Variants in MTRF1 observed in about 807,000 individuals in gnomAD.
The protein encoded by MTRF1 is mitochondrial translation release factor 1.
MTRF1 carries 51 observed loss-of-function variants against 62.9 expected under a neutral mutation model. The observed-to-expected ratio is 0.81, with a 90% CI of 0.65 to 1.02. The LOEUF is 1.02. MTRF1 is among the 50% of genes least tolerant of loss of function. The pLI is 0.00. For synonymous variants in MTRF1, 158 were observed against 181.9 expected (o/e 0.87, Z 1.06); for missense variants, 446 against 530.0 (o/e 0.84, Z 1.56).
chr13:41,309,595 A>G, the MTRF1 span, among the ~76,000 whole-genome samples: 1 of 152,134 alleles, frequency 6.6e-6, no homozygotes, highest in African/African-American at 2.4e-5. Context: ...TCCCTATTTT[A>G]AAGGACTCCT....
chr13:41,276,317 A>G, the MTRF1 span, among the ~76,000 whole-genome samples: 149,825 of 152,128 alleles, frequency 0.98, 73,815 homozygotes, highest in East Asian at 1. Flanking sequence ...GATTACAGGT[A>G]TGTGCCACCA....
the MTRF1 span, among the ~76,000 whole-genome samples, chr13:41,269,199 G>GTTTTTTTTT: frequency 1.5e-5 from 1 of 68,700 alleles, no homozygotes; most frequent in African/African-American, 5.4e-5. Context: ...TTTTTTTTTG[G>GTTTTTTTTT]TTTTTTTTTT....
chr13:41,299,483 T>C, the MTRF1 span, among the ~76,000 whole-genome samples: 3 of 152,186 alleles, frequency 2.0e-5, no homozygotes, highest in Admixed American at 6.6e-5. Context: ...TTGAGTAATA[T>C]GAGATCAATT....
the MTRF1 span, among the ~76,000 whole-genome samples, chr13:41,281,390 T>A: frequency 6.6e-5 from 10 of 152,094 alleles, no homozygotes; most frequent in Non-Finnish European, 1.3e-4. Context: ...TTTTTTTTTT[T>A]AAATAGCACT....
In MTRF1 at chr13:41,216,660, G is replaced by A. The variant is rs2138600869; in HGVS notation, c.*455C>T. The A allele has an allele frequency of 6.6e-6, 1 of 152,252 alleles. No homozygotes were observed. Among genetic ancestry groups the A allele is most frequent in the East Asian group, 1.9e-4 (1 of 5,196 alleles). The allele number at this position is 152,252 out of a possible 1,614,324, so 9.4% of individuals were successfully genotyped here. A position where few individuals can be genotyped will look rare whatever the true frequency, so the allele number is the denominator to read the frequency against. ...GGCCCTTCAAAGCACTGGGATTACAGGCATAAGCATCCACTATAGGCCAAG... is the reference window on the plus strand; with the variant it reads ...GGCCCTTCAAAGCACTGGGATTACAAGCATAAGCATCCACTATAGGCCAAG... On this transcript the variant is annotated 3_prime_UTR_variant, in exon 10 of 10. Transcript: ENST00000379480.
the MTRF1 span, among the ~76,000 whole-genome samples, chr13:41,300,996 C>CT: frequency 6.6e-6 from 1 of 152,150 alleles, no homozygotes; most frequent in East Asian, 1.9e-4. Context: ...AGCTATTTCT[C>CT]TTTTTCTCAT....
At chr13:41,223,173 G>A in intron 9 of MTRF1, 83 bp downstream of exon 9, 1 of 822,852 alleles carries the variant, frequency 1.2e-6, no homozygotes, top group Non-Finnish European at 1.8e-6. Flanking sequence ...GATATACTTG[G>A]TAATATCTAC....
At chr13:41,239,572 A>C (rs537584892) in intron 6 of MTRF1, among the ~76,000 whole-genome samples, 1 of 152,158 alleles carries the variant, frequency 6.6e-6, no homozygotes, top group African/African-American at 2.4e-5. Flanking sequence ...TAAAAAAAAA[A>C]GGTTAGGGAA....
the MTRF1 span, among the ~76,000 whole-genome samples, chr13:41,268,724 C>T: frequency 1.3e-5 from 2 of 152,064 alleles, no homozygotes; most frequent in Non-Finnish European, 2.9e-5. Context: ...AAACCAAAAA[C>T]AAGATGCAAT....
intron 7 of MTRF1, among the ~76,000 whole-genome samples, chr13:41,231,459 G>A (rs748759454): frequency 5.3e-5 from 8 of 152,200 alleles, no homozygotes; most frequent in Non-Finnish European, 1.0e-4. Flanking sequence ...TATGGAGTAT[G>A]GGCGGGAAGA....
chr13:41,281,379 GTT>G, the MTRF1 span, among the ~76,000 whole-genome samples: 1 of 145,812 alleles, frequency 6.9e-6, no homozygotes, highest in Admixed American at 6.9e-5. Flanking sequence ...GTTAGTTTTT[GTT>G]TTTTTTTTTA....
the MTRF1 span, among the ~76,000 whole-genome samples, chr13:41,280,852 A>AT: frequency 6.6e-6 from 1 of 152,226 alleles, no homozygotes; most frequent in African/African-American, 2.4e-5. Flanking sequence ...GAATCCTGGC[A>AT]TAAGGTTTAA....
chr13:41,272,353 GTTGT>G, the MTRF1 span, among the ~76,000 whole-genome samples: 2 of 152,166 alleles, frequency 1.3e-5, no homozygotes, highest in African/African-American at 4.8e-5. Flanking sequence ...AACATTGTTT[GTTGT>G]TTGTTTGTTT....
At chr13:41,257,760 T>C (rs2039919799) in intron 2 of MTRF1, 1 of 450,150 alleles carries the variant, frequency 2.2e-6, no homozygotes, top group African/African-American at 2.0e-5. Context: ...ATTACACTAC[T>C]GCATTCCAGC....
chr13:41,302,582 T>C, the MTRF1 span, among the ~76,000 whole-genome samples: 1 of 151,606 alleles, frequency 6.6e-6, no homozygotes, highest in African/African-American at 2.4e-5. Flanking sequence ...CAGGCTGGAG[T>C]GCAGTGACAC....
intron 4 of MTRF1, 36 bp from the exon 5 acceptor site, chr13:41,252,788 A>G: frequency 6.3e-7 from 1 of 1,586,458 alleles, no homozygotes; most frequent in South Asian, 1.1e-5. Context: ...AGTCAGGACA[A>G]ATTTCGGAAA....
the MTRF1 span, among the ~76,000 whole-genome samples, chr13:41,309,380 G>A: frequency 3.5e-5 from 5 of 142,602 alleles, no homozygotes; most frequent in Non-Finnish European, 7.9e-5. Flanking sequence ...GTGTGTGTGT[G>A]TGTTTGCCAT....
intron 5 of MTRF1, among the ~76,000 whole-genome samples, chr13:41,248,185 G>A (rs1593915945): frequency 6.6e-6 from 1 of 152,132 alleles, no homozygotes; most frequent in African/African-American, 2.4e-5. Context: ...AAACTGGTGC[G>A]ATGTTGACTC....
the MTRF1 span, among the ~76,000 whole-genome samples, chr13:41,292,580 CAAAAA>C: frequency 1.6e-5 from 1 of 61,244 alleles, no homozygotes. Context: ...GATTCTGTCT[CAAAAA>C]AAAAAAAAAA....
Sources: gnomAD v4.1 joint callset for allele counts (sites outside exome capture counted in the v4.1 genomes callset) on GRCh38, gnomAD v4.1.1 for gene constraint, MANE v1.5 for transcripts, NCBI Gene and HGNC (gene_info 2026-07-23, HGNC 2026-07-21) for gene names.